GALNT13: variants seen among roughly 807,000 people sequenced by gnomAD.
The protein encoded by GALNT13 is UDP-GalNAc:polypeptide N-acetylgalactosaminyltransferase 13.
A neutral mutation model predicts 64.2 loss-of-function variants in GALNT13; 28 were observed. The observed-to-expected ratio is 0.44, with a 90% confidence interval of 0.32 to 0.60. The LOEUF (loss-of-function observed/expected upper bound fraction) is 0.60. Ranked by LOEUF, GALNT13 falls within the 20% of genes least tolerant of loss-of-function variation. The pLI, the probability that GALNT13 is intolerant of heterozygous loss-of-function variation, is 0.05. For synonymous variants in GALNT13, 214 were observed against 224.6 expected, an observed-to-expected ratio of 0.95 and a Z score of 0.42; for missense variants, 577 against 669.8, an observed-to-expected ratio of 0.86 and a Z score of 1.53.
At chr2:154,204,794 G>A (rs970664524) in intron 4 of GALNT13, among the ~76,000 whole-genome samples, 1 of 152,166 alleles carries the variant, frequency 6.6e-6, no homozygotes, top group African/African-American at 2.4e-5. Flanking sequence ...ATGTTATGTT[G>A]TGATCCATGC....
the GALNT13 span, among the ~76,000 whole-genome samples, chr2:153,694,216 G>A: frequency 1.3e-5 from 2 of 152,092 alleles, no homozygotes; most frequent in East Asian, 1.9e-4. Flanking sequence ...CTTTCCCTTC[G>A]GCCTAGCGAG....
At chr2:154,340,633 A>G (rs1021127022) in intron 9 of GALNT13, among the ~76,000 whole-genome samples, 1 of 152,140 alleles carries the variant, frequency 6.6e-6, no homozygotes, top group Non-Finnish European at 1.5e-5. Context: ...TCATTATACC[A>G]TCATCCTAAA....
chr2:153,927,571 G>A (rs1053688064), intron 2 of GALNT13, among the ~76,000 whole-genome samples: 1 of 151,860 alleles, frequency 6.6e-6, no homozygotes, highest in East Asian at 1.9e-4. Flanking sequence ...AATATTATAT[G>A]ACAAGTTTTC....
the GALNT13 span, among the ~76,000 whole-genome samples, chr2:153,669,135 C>T: frequency 8.5e-5 from 13 of 152,158 alleles, no homozygotes; most frequent in Admixed American, 1.3e-4. Context: ...CATGCCTGAC[C>T]GTCAGAGAGC....
chr2:154,432,151 C>T (rs1194002954), intron 11 of GALNT13, among the ~76,000 whole-genome samples: 2 of 152,146 alleles, frequency 1.3e-5, no homozygotes, highest in Non-Finnish European at 2.9e-5. Flanking sequence ...ATAAAGTATA[C>T]ATAAAATCAG....
At chr2:153,380,123 T>A in the GALNT13 span, among the ~76,000 whole-genome samples, 1 of 152,082 alleles carries the variant, frequency 6.6e-6, no homozygotes, top group South Asian at 2.1e-4. Flanking sequence ...TCCATATCCA[T>A]GGCCTCCACA....
intron 3 of GALNT13, among the ~76,000 whole-genome samples, chr2:153,992,698 T>A (rs1695240711): frequency 6.6e-6 from 1 of 152,132 alleles, no homozygotes; most frequent in South Asian, 2.1e-4. Context: ...CAATATATTG[T>A]CATGGGTTAT....
At chr2:154,296,828 TG>T (rs145770958) in intron 8 of GALNT13, among the ~76,000 whole-genome samples, 243 of 152,314 alleles carry the variant, frequency 1.6e-3, no homozygotes, top group African/African-American at 5.5e-3. Flanking sequence ...TGTGTAGGTT[TG>T]TTACATAGGT....
the GALNT13 span, among the ~76,000 whole-genome samples, chr2:153,460,682 C>T: frequency 3.3e-5 from 5 of 152,038 alleles, no homozygotes; most frequent in Admixed American, 6.6e-5. Context: ...AAGATACACG[C>T]TGGGTTGATA....
intron 3 of GALNT13, among the ~76,000 whole-genome samples, chr2:153,995,316 A>C (rs1391878785): frequency 1.3e-5 from 2 of 152,154 alleles, no homozygotes; most frequent in African/African-American, 4.8e-5. Context: ...TTTTAATTAA[A>C]ACATTTATTT....
intron 3 of GALNT13, among the ~76,000 whole-genome samples, chr2:153,987,178 G>A (rs1694854305): frequency 1.3e-5 from 2 of 151,950 alleles, no homozygotes; most frequent in African/African-American, 4.8e-5. Flanking sequence ...CAGGATGAGA[G>A]CCGGATCTCT....
At chr2:153,992,859 C>G (rs1695251114) in intron 3 of GALNT13, among the ~76,000 whole-genome samples, 1 of 152,164 alleles carries the variant, frequency 6.6e-6, no homozygotes, top group South Asian at 2.1e-4. Flanking sequence ...GCCTATTAGG[C>G]AAATTATTTT....
chr2:153,514,818 C>T, the GALNT13 span, among the ~76,000 whole-genome samples: 4 of 152,162 alleles, frequency 2.6e-5, no homozygotes, highest in Non-Finnish European at 5.9e-5. Flanking sequence ...CAGTGCCTAA[C>T]AGGTGCTGTG....
At chr2:153,525,797 C>T in the GALNT13 span, among the ~76,000 whole-genome samples, 4 of 152,154 alleles carry the variant, frequency 2.6e-5, no homozygotes, top group Non-Finnish European at 5.9e-5. Context: ...TCTGGACCTG[C>T]CCTGGACCAG....
the GALNT13 span, among the ~76,000 whole-genome samples, chr2:153,376,045 A>G: frequency 6.6e-6 from 1 of 152,124 alleles, no homozygotes; most frequent in South Asian, 2.1e-4. Context: ...GCCCACTCAC[A>G]GGGAGAGCAT....
At chr2:154,184,172 CTTT>C (rs1305003765) in intron 4 of GALNT13, among the ~76,000 whole-genome samples, 1 of 151,942 alleles carries the variant, frequency 6.6e-6, no homozygotes, top group East Asian at 1.9e-4. Context: ...GAATAACCTT[CTTT>C]ATCTCAATTG....
chr2:154,153,763 C>A (rs1437666200), intron 4 of GALNT13, among the ~76,000 whole-genome samples: 1 of 152,188 alleles, frequency 6.6e-6, no homozygotes, highest in African/African-American at 2.4e-5. Context: ...TCCTGGTGTG[C>A]CGTTTTTTAA....
intron 3 of GALNT13, among the ~76,000 whole-genome samples, chr2:154,129,215 A>G (rs1197624898): frequency 6.6e-6 from 1 of 152,150 alleles, no homozygotes. Flanking sequence ...TACCACACAC[A>G]CCAGAGTACA....
the GALNT13 span, among the ~76,000 whole-genome samples, chr2:153,281,181 T>G: frequency 2.6e-3 from 395 of 152,254 alleles, 1 homozygote; most frequent in African/African-American, 9.0e-3. Context: ...GAATAGTGAC[T>G]CCTGGTATTT....
Sources: allele counts gnomAD v4.1 joint callset (sites outside exome capture counted in the v4.1 genomes callset), GRCh38; gene constraint gnomAD v4.1.1; transcripts MANE v1.5; gene names NCBI Gene and HGNC (gene_info 2026-07-23, HGNC 2026-07-21).